CSMD1: variants seen among roughly 807,000 people sequenced by gnomAD.
CSMD1 encodes CUB and sushi domain-containing protein 1.
A neutral mutation model predicts 417.5 loss-of-function variants in CSMD1; 213 were observed. The observed-to-expected ratio is 0.51, with a 90% CI of 0.46 to 0.57. The LOEUF (loss-of-function observed/expected upper bound fraction) is 0.57, where lower values mean the gene tolerates loss of function less well. CSMD1 is among the 20% of genes least tolerant of loss of function. CSMD1 has a pLI of 0.00. For synonymous variants in CSMD1, 2,862 were observed against 1,736.8 expected (o/e 1.65, Z -16.11); for missense variants, 6,923 against 4,529.7 (o/e 1.53, Z -15.17).
rs147083682 is a variant in CSMD1, at chr8:3,223,033, C to G, written c.4484+696G>C. On this transcript the variant is annotated intron_variant, in intron 28 of 69. Coordinates refer to ENST00000635120, the MANE Select transcript of CSMD1 (RefSeq NM_033225.6). The stretch of plus-strand genomic sequence containing the variant: ...ATAGGAAAGTCTACAGAATGACTCA[C>G]CTTCATAAACAACACATTCATTTAG... 6.7e-4 allele frequency among the ~76,000 whole-genome samples: 102 copies of G among 152,250 alleles called. 2 individuals are homozygous for G. In the East Asian group the frequency reaches 0.015, roughly 22 times the overall value.
At chr8:4,414,310 A>C (rs991789416) in intron 3 of CSMD1, among the ~76,000 whole-genome samples, 5 of 152,158 alleles carry the variant, frequency 3.3e-5, no homozygotes, top group African/African-American at 7.2e-5. Flanking sequence ...GCCCATCCTA[A>C]ATCACTTCCT....
chr8:3,873,502 A>G (rs1200284512), intron 5 of CSMD1, among the ~76,000 whole-genome samples: 1 of 152,138 alleles, frequency 6.6e-6, no homozygotes, highest in Non-Finnish European at 1.5e-5. Context: ...AAGGTGAATA[A>G]TAAGAACACA....
At chr8:3,679,658 T>C (rs1014837018) in intron 7 of CSMD1, among the ~76,000 whole-genome samples, 3 of 152,106 alleles carry the variant, frequency 2.0e-5, no homozygotes, top group African/African-American at 4.8e-5. Flanking sequence ...TATCCAGGAA[T>C]TGAACTGAGC....
intron 26 of CSMD1, among the ~76,000 whole-genome samples, chr8:3,249,037 C>CAAGT (rs1203341328): frequency 6.6e-6 from 1 of 152,084 alleles, no homozygotes; most frequent in Non-Finnish European, 1.5e-5. Context: ...GTTGATAAAC[C>CAAGT]AAGTAGCTTC....
intron 2 of CSMD1, among the ~76,000 whole-genome samples, chr8:4,566,353 G>C (rs988785633): frequency 6.6e-6 from 1 of 151,896 alleles, no homozygotes; most frequent in East Asian, 1.9e-4. Context: ...CATGAAAATG[G>C]TTTATAAGAA....
chr8:3,515,896 G>A (rs13275418), intron 10 of CSMD1, among the ~76,000 whole-genome samples: 20 of 152,324 alleles, frequency 1.3e-4, no homozygotes, highest in Middle Eastern at 3.4e-3. Context: ...TCTTGAAATA[G>A]TGTTTGGTTA....
chr8:4,779,084 G>C (rs531065582), intron 1 of CSMD1, among the ~76,000 whole-genome samples: 8 of 152,238 alleles, frequency 5.3e-5, no homozygotes, highest in Non-Finnish European at 7.4e-5. Flanking sequence ...CTTACGAGAG[G>C]CCGTATCCTC....
intron 5 of CSMD1, among the ~76,000 whole-genome samples, chr8:3,909,453 G>A (rs1808314000): frequency 6.6e-6 from 1 of 152,140 alleles, no homozygotes; most frequent in East Asian, 1.9e-4. Context: ...AGAACACACG[G>A]CGTGCTCCTG....
intron 3 of CSMD1, among the ~76,000 whole-genome samples, chr8:4,044,516 G>C (rs1798048067): frequency 6.6e-6 from 1 of 152,222 alleles, no homozygotes; most frequent in Non-Finnish European, 1.5e-5. Flanking sequence ...AGGAAGGACA[G>C]TCAGGAGGAG....
At chr8:4,665,019 A>G (rs1193853294) in intron 1 of CSMD1, among the ~76,000 whole-genome samples, 2 of 152,170 alleles carry the variant, frequency 1.3e-5, no homozygotes, top group African/African-American at 4.8e-5. Context: ...TTATTACCAA[A>G]TATTTTAATT....
chr8:4,549,677 T>A (rs1797779649), intron 2 of CSMD1, among the ~76,000 whole-genome samples: 2 of 151,704 alleles, frequency 1.3e-5, no homozygotes, highest in South Asian at 4.2e-4. Flanking sequence ...TCACTTGAGT[T>A]CAGGAGTTCA....
intron 7 of CSMD1, among the ~76,000 whole-genome samples, chr8:3,701,648 G>A (rs992017595): frequency 8.6e-5 from 13 of 152,020 alleles, no homozygotes; most frequent in African/African-American, 3.1e-4. Context: ...ATAAATACAA[G>A]TGGAAAATTA....
intron 7 of CSMD1, among the ~76,000 whole-genome samples, chr8:3,677,984 C>T (rs1799465649): frequency 1.3e-5 from 2 of 152,092 alleles, no homozygotes; most frequent in Non-Finnish European, 2.9e-5. Flanking sequence ...TGCAGGGACT[C>T]ACAGCCTCCA....
At chr8:3,975,436 G>GAA (rs1358290252) in intron 5 of CSMD1, among the ~76,000 whole-genome samples, 2 of 152,146 alleles carry the variant, frequency 1.3e-5, no homozygotes, top group African/African-American at 4.8e-5. Context: ...ACAACCCTTA[G>GAA]AAAAATTCAA....
intron 1 of CSMD1, among the ~76,000 whole-genome samples, chr8:4,925,104 A>G (rs1290563042): frequency 6.6e-6 from 1 of 152,138 alleles, no homozygotes; most frequent in Non-Finnish European, 1.5e-5. Flanking sequence ...GACAGAATGA[A>G]CTAGCATTAT....
Position 4,947,940 on chromosome 8 carries a change from G to C in CSMD1, c.85+46392C>G, listed in dbSNP as rs138484934. ...CGGGTAATTCTTGGGTGCTTTGTGCGTTTATTCCTATTGTTTTCTTTTTTT... is the reference window on the plus strand; with the variant it reads ...CGGGTAATTCTTGGGTGCTTTGTGCCTTTATTCCTATTGTTTTCTTTTTTT... On this transcript the variant is annotated intron_variant, in intron 1 of 69. Coordinates refer to ENST00000635120, the MANE Select transcript of CSMD1 (RefSeq NM_033225.6). Among the ~76,000 whole-genome samples, 603 of 151,990 alleles carry C rather than the reference G, an allele frequency of 4.0e-3. 2 individuals are homozygous for C. The highest frequency in any genetic ancestry group is 0.014 in the African/African-American group (581 of 41,488).
chr8:4,654,593 A>C (rs1469163696), intron 1 of CSMD1, among the ~76,000 whole-genome samples: 1 of 152,118 alleles, frequency 6.6e-6, no homozygotes, highest in Non-Finnish European at 1.5e-5. Context: ...AGAGTTTTAT[A>C]TTAGGAAGTT....
intron 11 of CSMD1, among the ~76,000 whole-genome samples, chr8:3,475,707 T>G (rs1337481714): frequency 6.6e-6 from 1 of 152,242 alleles, no homozygotes; most frequent in Non-Finnish European, 1.5e-5. Context: ...TCAGTATCGA[T>G]GTTGAACTGA....
intron 26 of CSMD1, among the ~76,000 whole-genome samples, chr8:3,273,247 T>A (rs954236236): frequency 6.6e-6 from 1 of 151,702 alleles, no homozygotes; most frequent in Non-Finnish European, 1.5e-5. Context: ...TAGATTTGCG[T>A]ATATTGAACT....
Sources: allele counts gnomAD v4.1 joint callset (sites outside exome capture counted in the v4.1 genomes callset), GRCh38; gene constraint gnomAD v4.1.1; transcripts MANE v1.5; gene names NCBI Gene and HGNC (gene_info 2026-07-23, HGNC 2026-07-21).